Variants in ZMAT4 observed in about 807,000 individuals in gnomAD.
ZMAT4 encodes the protein zinc finger matrin-type 4.
Under a neutral mutation model 28.7 loss-of-function variants are expected in ZMAT4, and 17 were observed. The ratio of observed to expected loss-of-function variants is 0.59; its 90% CI spans 0.41 to 0.89. ZMAT4 has a LOEUF of 0.89. Ranked by LOEUF, ZMAT4 falls within the 40% of genes least tolerant of loss-of-function variation. The probability of loss-of-function intolerance (pLI) is 0.00; values close to 1 mark genes in which losing one functional copy is unlikely to be tolerated. For synonymous variants in ZMAT4, 117 were observed against 109.2 expected, an observed-to-expected ratio of 1.07 and a Z score of -0.44; for missense variants, 240 against 283.8, an observed-to-expected ratio of 0.85 and a Z score of 1.11.
intron 1 of ZMAT4, among the ~76,000 whole-genome samples, chr8:40,845,776 T>TAAA (rs71224858): frequency 0.02 from 2,586 of 129,314 alleles, 91 homozygotes; most frequent in African/African-American, 0.072. Flanking sequence ...ACTTAGTAGT[T>TAAA]AAAAAAAAAA....
At chr8:40,825,062 G>A (rs1815982701) in intron 2 of ZMAT4, among the ~76,000 whole-genome samples, 1 of 152,178 alleles carries the variant, frequency 6.6e-6, no homozygotes, top group South Asian at 2.1e-4. Flanking sequence ...CTCTGCAGAA[G>A]GCATCTTGAT....
intron 4 of ZMAT4, among the ~76,000 whole-genome samples, chr8:40,684,965 C>T (rs1290864215): frequency 6.6e-6 from 1 of 152,030 alleles, no homozygotes; most frequent in Admixed American, 6.6e-5. Flanking sequence ...AGCATATATC[C>T]CTAAAAATAA....
chr8:40,679,769 A>G (rs1809073358), intron 4 of ZMAT4, among the ~76,000 whole-genome samples: 1 of 152,240 alleles, frequency 6.6e-6, no homozygotes, highest in African/African-American at 2.4e-5. Context: ...GTAATTGTCT[A>G]CATTGTCTAA....
At chr8:40,670,100 G>A (rs1017754362) in intron 5 of ZMAT4, among the ~76,000 whole-genome samples, 20 of 152,068 alleles carry the variant, frequency 1.3e-4, no homozygotes, top group African/African-American at 2.2e-4. Context: ...AAATAATCTC[G>A]AGAAAGAAGA....
intron 3 of ZMAT4, among the ~76,000 whole-genome samples, chr8:40,699,596 G>GCACATACA (rs1554542018): frequency 3.3e-5 from 5 of 149,640 alleles, no homozygotes; most frequent in Non-Finnish European, 5.9e-5. Context: ...AAATGTAAAT[G>GCACATACA]CACACACACA....
intron 2 of ZMAT4, among the ~76,000 whole-genome samples, chr8:40,772,953 A>AG (rs1813443180): frequency 6.6e-6 from 1 of 152,196 alleles, no homozygotes; most frequent in African/African-American, 2.4e-5. Flanking sequence ...TCCATCACAC[A>AG]GGATGAAATG....
chr8:40,746,870 C>T (rs1585984545), intron 3 of ZMAT4, among the ~76,000 whole-genome samples: 1 of 152,280 alleles, frequency 6.6e-6, no homozygotes, highest in East Asian at 1.9e-4. Flanking sequence ...TGTCCCTCTT[C>T]CTGGAATGCT....
chr8:40,718,123 C>T (rs1810932444), intron 3 of ZMAT4, among the ~76,000 whole-genome samples: 1 of 152,178 alleles, frequency 6.6e-6, no homozygotes, highest in Non-Finnish European at 1.5e-5. Context: ...TTCTTCCTGC[C>T]AACTTCTGGA....
At chr8:40,703,585 G>A (rs1810235875) in intron 3 of ZMAT4, among the ~76,000 whole-genome samples, 1 of 152,222 alleles carries the variant, frequency 6.6e-6, no homozygotes, top group Non-Finnish European at 1.5e-5. Flanking sequence ...GGCAGTGGGG[G>A]AGCAGGGAGG....
At chr8:40,688,276 T>G (rs1238024178) in intron 4 of ZMAT4, among the ~76,000 whole-genome samples, 1 of 151,944 alleles carries the variant, frequency 6.6e-6, no homozygotes. Flanking sequence ...ACCAACATGG[T>G]GAAATCCCAT....
chr8:40,833,704 C>A (rs1308824850), intron 1 of ZMAT4, among the ~76,000 whole-genome samples: 2 of 152,136 alleles, frequency 1.3e-5, no homozygotes, highest in Non-Finnish European at 2.9e-5. Context: ...TCACACACCA[C>A]CTGGGTCGAC....
At chr8:40,619,141 G>A (rs1476794986) in intron 5 of ZMAT4, among the ~76,000 whole-genome samples, 2 of 152,138 alleles carry the variant, frequency 1.3e-5, no homozygotes, top group African/African-American at 4.8e-5. Context: ...CTTTCAGCTG[G>A]CCACAGGGAC....
chr8:40,699,982 T>C (rs1258306232), intron 3 of ZMAT4, among the ~76,000 whole-genome samples: 6 of 152,186 alleles, frequency 3.9e-5, no homozygotes, highest in Middle Eastern at 3.2e-3. Context: ...AGCATCACCA[T>C]ACAAAATGAC....
chr8:40,782,273 C>A (rs1813868800), intron 2 of ZMAT4, among the ~76,000 whole-genome samples: 1 of 151,992 alleles, frequency 6.6e-6, no homozygotes, highest in South Asian at 2.1e-4. Flanking sequence ...GTAGTCCCAG[C>A]TGCTTGGAAG....
intron 2 of ZMAT4, among the ~76,000 whole-genome samples, chr8:40,789,829 A>G (rs1050227323): frequency 6.6e-6 from 1 of 152,240 alleles, no homozygotes; most frequent in East Asian, 1.9e-4. Flanking sequence ...CAGACAGCCC[A>G]TAAAGCCAAA....
At chr8:40,803,369 A>C (rs901651546) in intron 2 of ZMAT4, among the ~76,000 whole-genome samples, 1 of 152,250 alleles carries the variant, frequency 6.6e-6, no homozygotes, top group African/African-American at 2.4e-5. Context: ...ACTGTTATCC[A>C]AAATATGCAA....
At chr8:40,881,433 G>GAA (rs1388374068) in intron 1 of ZMAT4, among the ~76,000 whole-genome samples, 14 of 70,316 alleles carry the variant, frequency 2.0e-4, no homozygotes, top group South Asian at 6.9e-4. Context: ...AGAAGAAAGA[G>GAA]AGAAAGAAAG....
chr8:40,687,193 C>T (rs997591892), intron 4 of ZMAT4, among the ~76,000 whole-genome samples: 13 of 152,114 alleles, frequency 8.5e-5, no homozygotes, highest in Admixed American at 8.5e-4. Context: ...ATTACTTAGC[C>T]AGAAGACGGG....
At chr8:40,622,543 G>A (rs1473020700) in intron 5 of ZMAT4, among the ~76,000 whole-genome samples, 1 of 152,198 alleles carries the variant, frequency 6.6e-6, no homozygotes, top group Non-Finnish European at 1.5e-5. Flanking sequence ...CTAAAGAGGG[G>A]ATTATCTTTG....
Sources: gnomAD v4.1 joint callset for allele counts (sites outside exome capture counted in the v4.1 genomes callset) on GRCh38, gnomAD v4.1.1 for gene constraint, MANE v1.5 for transcripts, NCBI Gene and HGNC (gene_info 2026-07-23, HGNC 2026-07-21) for gene names.